The following C9 variants were observed in gnomAD, a reference collection of about 807,000 sequenced individuals.
The protein encoded by C9 is complement C9, also known as complement component C9.
In C9, 63 loss-of-function variants were observed where a neutral mutation model predicts 65.4. That is an observed-to-expected ratio of 0.96 (90% CI 0.79 to 1.19). The LOEUF (loss-of-function observed/expected upper bound fraction) is 1.19, where lower values mean the gene tolerates loss of function less well. C9 is among the 50% of genes most tolerant of loss of function. The probability of loss-of-function intolerance (pLI) is 0.00; values close to 1 mark genes in which losing one functional copy is unlikely to be tolerated. For synonymous variants in C9, 229 were observed against 227.9 expected, an observed-to-expected ratio of 1.00 and a Z score of -0.04; for missense variants, 744 against 670.1, an observed-to-expected ratio of 1.11 and a Z score of -1.22.
intron 5 of C9, among the ~76,000 whole-genome samples, chr5:39,319,790 C>T (rs1349174864): frequency 6.6e-6 from 1 of 152,104 alleles, no homozygotes; most frequent in Non-Finnish European, 1.5e-5. Context: ...CCTCAAGATC[C>T]AGTGGACCCA....
At chr5:39,348,912 A>G (rs1754263317) in intron 1 of C9, among the ~76,000 whole-genome samples, 1 of 151,626 alleles carries the variant, frequency 6.6e-6, no homozygotes, top group Admixed American at 6.6e-5. Context: ...TCAGCAAACT[A>G]TTGCAAGGAC....
rs771615175 is a variant in C9, at chr5:39,362,630, T to C, written c.77+1758A>G. 9.9e-5 allele frequency among the ~76,000 whole-genome samples: 15 copies of C among 152,174 alleles called. 1 individual carries two copies. Among genetic ancestry groups the C allele is most frequent in the Non-Finnish European group, 1.8e-4 (12 of 67,980 alleles). ...CATCTTACAGACGAGGGAAGCGAGGTACAGAGAGGCCAAGCAACCCGCCCA... is the reference window on the plus strand; with the variant it reads ...CATCTTACAGACGAGGGAAGCGAGGCACAGAGAGGCCAAGCAACCCGCCCA... On this transcript the variant is annotated intron_variant, in intron 1 of 10. Transcript: ENST00000263408.
At chr5:39,334,049 A>T (rs984274366) in intron 4 of C9, among the ~76,000 whole-genome samples, 1 of 151,830 alleles carries the variant, frequency 6.6e-6, no homozygotes, top group Non-Finnish European at 1.5e-5. Context: ...CTGGGAAGTG[A>T]GGAGCGTCTC....
intron 2 of C9, 58 bp downstream of exon 2, chr5:39,342,033 G>T: frequency 1.0e-6 from 1 of 962,578 alleles, no homozygotes; most frequent in South Asian, 1.3e-5. Context: ...TTTCTGGAGA[G>T]GCTAGCAATA....
intron 9 of C9, among the ~76,000 whole-genome samples, chr5:39,291,740 A>G (rs1276545257): frequency 6.6e-6 from 1 of 151,932 alleles, no homozygotes; most frequent in Non-Finnish European, 1.5e-5. Flanking sequence ...AATCAATAAT[A>G]TTATAAAGAG....
chr5:39,333,659 C>T (rs760640528), intron 4 of C9, among the ~76,000 whole-genome samples: 17 of 152,094 alleles, frequency 1.1e-4, no homozygotes, highest in East Asian at 3.9e-4. Flanking sequence ...CCTCTCATGC[C>T]GAGCGGCAGC....
chr5:39,309,232 G>A (rs531572727), intron 7 of C9, among the ~76,000 whole-genome samples: 1 of 152,084 alleles, frequency 6.6e-6, no homozygotes, highest in East Asian at 1.9e-4. Flanking sequence ...GACAATGTCA[G>A]TTTTTGCCGT....
chr5:39,359,102 G>GTGTGTATATATA (rs1407613505), intron 1 of C9, among the ~76,000 whole-genome samples: 38 of 103,630 alleles, frequency 3.7e-4, no homozygotes, highest in Admixed American at 5.5e-4. Context: ...GTGTGTGTGT[G>GTGTGTATATATA]TATATATATA....
chr5:39,329,443 C>A (rs1753807611), intron 5 of C9, among the ~76,000 whole-genome samples: 1 of 152,114 alleles, frequency 6.6e-6, no homozygotes, highest in African/African-American at 2.4e-5. Context: ...AACTGAGGCA[C>A]AATGATGATA....
At chr5:39,356,198 T>C (rs1234361375) in intron 1 of C9, among the ~76,000 whole-genome samples, 1 of 152,230 alleles carries the variant, frequency 6.6e-6, no homozygotes, top group African/African-American at 2.4e-5. Context: ...AGTTCTTTTT[T>C]ATAGATGGGA....
At chr5:39,318,147 G>T (rs1753603987) in intron 5 of C9, among the ~76,000 whole-genome samples, 1 of 151,654 alleles carries the variant, frequency 6.6e-6, no homozygotes, top group Non-Finnish European at 1.5e-5. Flanking sequence ...TTGGTTCTCT[G>T]CTTGCCTGTT....
rs766722207 is a variant in C9 at position 39,306,656 on chromosome 5, G to A, written c.1377C>T (p.Ala459=). The A allele has an allele frequency of 1.2e-6, 2 of 1,613,684 alleles. No individual in the cohort carries two copies. Among genetic ancestry groups the A allele is most frequent in the Non-Finnish European group, 1.7e-6 (2 of 1,179,660 alleles). Residue 459 remains alanine, a synonymous_variant, in exon 9 of 11, where the codon GCC becomes GCT. Coordinates refer to ENST00000263408, the MANE Select transcript of C9 (RefSeq NM_001737.5). ...VIDVTDFVNW[A]SSINDAPVLI... ...GAACAGGAGCATCATTTATGGAAGA[G>A]GCCCAGTTGACAAAGTCAGTCACAT...
chr5:39,287,407 T>G (rs937299679), intron 10 of C9, among the ~76,000 whole-genome samples: 2 of 151,902 alleles, frequency 1.3e-5, no homozygotes, highest in East Asian at 3.9e-4. Context: ...AAATTAAAAA[T>G]AGGACTACCA....
At chr5:39,311,018 A>G in intron 7 of C9, 119 bp downstream of exon 7, 1 of 1,133,556 alleles carries the variant, frequency 8.8e-7, no homozygotes, top group Non-Finnish European at 1.3e-6. Flanking sequence ...GAGTCCTCTC[A>G]AAGGAGCAGG....
chr5:39,308,249 C>A lies in C9; in HGVS notation c.1221G>T (p.Lys407Asn). The change falls in exon 8 of 11, where the codon AAG becomes AAT. Residue 407 changes from lysine to asparagine, a missense_variant. Physicochemically the swap from Lys to Asn is moderately conservative, Grantham distance 94. Transcript: ENST00000263408. Reference sequence around the variant, plus strand: ...ACTTACCAGCTCTACCCTCTCCCCTCTTTACACAATCATCTTTATTAAATT... The same window carrying A: ...ACTTACCAGCTCTACCCTCTCCCCTATTTACACAATCATCTTTATTAAATT... ...GAEFNKDDCV[K>N]RGEGRAVNIT... 6.2e-7 allele frequency: 1 copy of A among 1,612,430 alleles called. No homozygotes were observed. The highest frequency in any genetic ancestry group is 2.2e-5 in the East Asian group (1 of 44,850).
chr5:39,342,675 G>A (rs977657735), intron 1 of C9, among the ~76,000 whole-genome samples: 6 of 152,026 alleles, frequency 3.9e-5, no homozygotes, highest in Non-Finnish European at 7.4e-5. Flanking sequence ...AGCCATTCCT[G>A]TAGCGGGCAC....
At chr5:39,351,111 T>G (rs1295386409) in intron 1 of C9, among the ~76,000 whole-genome samples, 1 of 152,192 alleles carries the variant, frequency 6.6e-6, no homozygotes, top group African/African-American at 2.4e-5. Context: ...AGGCTTGGGT[T>G]TGTACCCTCT....
chr5:39,330,344 G>A (rs1475975034), intron 5 of C9, among the ~76,000 whole-genome samples: 3 of 152,174 alleles, frequency 2.0e-5, no homozygotes, highest in Non-Finnish European at 4.4e-5. Context: ...ATAAGGGAAA[G>A]CAGTGCTTCC....
Position 39,342,111 on chromosome 5 carries a change from C to G in C9, c.163G>C (p.Asp55His), listed in dbSNP as rs772528766. 5 of 1,591,060 alleles carry G rather than the reference C, an allele frequency of 3.1e-6. No homozygotes were observed. The highest frequency in any genetic ancestry group is 4.3e-6 in the Non-Finnish European group (5 of 1,158,932). Reference sequence around the variant, plus strand: ...CTTACCATTTGTCTGAGACAAGGATCGCATTGTGACCATTCACTCCAGGGG... The same window carrying G: ...CTTACCATTTGTCTGAGACAAGGATGGCATTGTGACCATTCACTCCAGGGG... The part of the protein sequence containing the change: ...MSPWSEWSQC[D>H]PCLRQMFRSR... Residue 55 changes from aspartate to histidine, a missense_variant, in exon 2 of 11, where the codon GAT (aspartate) becomes CAT (histidine). By Grantham distance (81) the Asp-to-His change is moderately conservative. Transcript: ENST00000263408.
Sources: allele counts gnomAD v4.1 joint callset (sites outside exome capture counted in the v4.1 genomes callset), GRCh38; gene constraint gnomAD v4.1.1; transcripts MANE v1.5; gene names NCBI Gene and HGNC (gene_info 2026-07-23, HGNC 2026-07-21).